Variants in RC3H2 observed in about 807,000 individuals in gnomAD.
RC3H2 encodes the protein roquin-2.
Under a neutral mutation model 133.3 loss-of-function variants are expected in RC3H2, and 31 were observed. The ratio of observed to expected loss-of-function variants is 0.23; its 90% CI spans 0.17 to 0.31. The LOEUF (loss-of-function observed/expected upper bound fraction) is 0.31. Ranked by LOEUF, RC3H2 falls within the 10% of genes least tolerant of loss-of-function variation. The pLI, the probability that RC3H2 is intolerant of heterozygous loss-of-function variation, is 1.00. For synonymous variants in RC3H2, 517 were observed against 502.2 expected, an observed-to-expected ratio of 1.03 and a Z score of -0.40; for missense variants, 1,175 against 1,437.2, an observed-to-expected ratio of 0.82 and a Z score of 2.95.
At chr9:122,853,417 C>T (rs1052659876) in intron 18 of RC3H2, among the ~76,000 whole-genome samples, 24 of 150,430 alleles carry the variant, frequency 1.6e-4, no homozygotes, top group Admixed American at 9.3e-4. Context: ...TGATTTTATA[C>T]CTGTGGAACC....
intron 1 of RC3H2, among the ~76,000 whole-genome samples, chr9:122,901,593 T>C (rs1057278570): frequency 8.0e-5 from 12 of 149,918 alleles, no homozygotes; most frequent in African/African-American, 3.0e-4. Flanking sequence ...ATTCTTTTTT[T>C]TTTTTTTTTT....
Position 122,880,069 on chromosome 9 carries a change from T to C in RC3H2, c.1017A>G (p.Gln339=), listed in dbSNP as rs554683824. The C allele has an allele frequency of 6.2e-7, 1 of 1,614,170 alleles. No individual in the cohort carries two copies. Among genetic ancestry groups the C allele is most frequent in the East Asian group, 2.2e-5 (1 of 44,888 alleles). Residue 339 remains glutamine, a synonymous_variant, in exon 7 of 21, where the codon CAA becomes CAG. Coordinates refer to ENST00000357244, the MANE Select transcript of RC3H2 (RefSeq NM_001100588.3). ...KSVQELTIVL[Q]RTGDPANLNR... is the part of the protein sequence containing the mutation. The stretch of plus-strand genomic sequence containing the variant: ...TTAAGTTAGCTGGGTCACCTGTTCG[T>C]TGCAAAACAATTGTCAATTCCTGGA...
At chr9:122,853,470 A>G (rs553242280) in intron 18 of RC3H2, among the ~76,000 whole-genome samples, 1 of 152,200 alleles carries the variant, frequency 6.6e-6, no homozygotes, top group South Asian at 2.1e-4. Flanking sequence ...CCCAATGATC[A>G]GCCAGGCACG....
intron 4 of RC3H2, among the ~76,000 whole-genome samples, chr9:122,885,390 G>A (rs575699930): frequency 6.6e-6 from 1 of 152,068 alleles, no homozygotes; most frequent in Non-Finnish European, 1.5e-5. Context: ...CAAATACATG[G>A]TTATTAATCA....
intron 8 of RC3H2, among the ~76,000 whole-genome samples, chr9:122,878,098 A>G (rs1831417291): frequency 6.6e-6 from 1 of 152,186 alleles, no homozygotes; most frequent in Non-Finnish European, 1.5e-5. Context: ...AAATTTCACT[A>G]TTACTTCTAC....
At chr9:122,894,471 G>A (rs1832333892) in intron 2 of RC3H2, among the ~76,000 whole-genome samples, 1 of 152,096 alleles carries the variant, frequency 6.6e-6, no homozygotes, top group African/African-American at 2.4e-5. Flanking sequence ...TCCAAGAGGT[G>A]AAATTATAGA....
intron 14 of RC3H2, 132 bp from the exon 15 acceptor site, chr9:122,855,529 A>G: frequency 1.0e-6 from 1 of 959,506 alleles, no homozygotes; most frequent in Non-Finnish European, 1.5e-6. Flanking sequence ...ACGATAATCC[A>G]ACAAACTACC....
intron 18 of RC3H2, among the ~76,000 whole-genome samples, chr9:122,852,761 G>C (rs1474586941): frequency 6.6e-6 from 1 of 150,436 alleles, no homozygotes; most frequent in Non-Finnish European, 1.5e-5. Flanking sequence ...GGGAGGTGGG[G>C]GGGTCAGCCC....
chr9:122,897,380 T>C lies in RC3H2; in HGVS notation c.130A>G (p.Lys44Glu), dbSNP rs1379044317. ...SHTVCKTCLN[K>E]LHRKACPFDQ... is the part of the protein sequence containing the mutation. ...AAAGGACAAGCTTTTCGATGAAGTT[T>C]ATTCAAGCAGGTCTTGCAAACAGTG... is the stretch of plus-strand genomic sequence containing the variant. Residue 44 changes from lysine to glutamate, a missense_variant, in exon 2 of 21, where the codon AAA (lysine) becomes GAA (glutamate). Transcript: ENST00000357244. 2.5e-6 allele frequency: 4 copies of C among 1,614,114 alleles called. No individual in the cohort carries two copies. The highest frequency in any genetic ancestry group is 3.4e-6 in the Non-Finnish European group (4 of 1,180,046).
At chr9:122,865,845 T>TATGCCATTCACATATAATATAC (rs1830624308) in intron 9 of RC3H2, among the ~76,000 whole-genome samples, 188 bp from the exon 10 acceptor site, 1 of 152,324 alleles carries the variant, frequency 6.6e-6, no homozygotes, top group East Asian at 1.9e-4. Context: ...TGAAAATATA[T>TATGCCATTCACATATAATATAC]ATGCCATTCA....
rs922483644 is a variant in RC3H2, at chr9:122,905,281, G to A, written c.-239C>T. The A allele has an allele frequency of 3.8e-5, 37 of 985,676 alleles. No homozygotes were observed. Among genetic ancestry groups the A allele is most frequent in the East Asian group, 1.1e-4 (1 of 8,816 alleles). 61.1% of individuals were successfully genotyped at this position (985,676 alleles called of 1,614,324 possible). On this transcript the variant is annotated 5_prime_UTR_variant, in exon 1 of 21. Coordinates refer to ENST00000357244, the MANE Select transcript of RC3H2 (RefSeq NM_001100588.3). ...CCCCGTTGGCGGCGGCGAAGGCCGCGACGGGGCCTCCTCCTCCTCCCTCCA... is the reference window on the plus strand; with the variant it reads ...CCCCGTTGGCGGCGGCGAAGGCCGCAACGGGGCCTCCTCCTCCTCCCTCCA...
At chr9:122,871,056 G>A (rs902020985) in intron 9 of RC3H2, among the ~76,000 whole-genome samples, 2 of 152,010 alleles carry the variant, frequency 1.3e-5, no homozygotes, top group African/African-American at 2.4e-5. Flanking sequence ...ACTTAACCAC[G>A]AAAATAGATG....
intron 9 of RC3H2, among the ~76,000 whole-genome samples, chr9:122,868,882 TGTGTGTGTA>T (rs1564296631): frequency 7.9e-5 from 2 of 25,258 alleles, no homozygotes; most frequent in Non-Finnish European, 2.7e-4. Context: ...TGTGTGTGTG[TGTGTGTGTA>T]TGTGTTTTTT....
At chr9:122,857,120 G>C (rs1830279194) in intron 13 of RC3H2, among the ~76,000 whole-genome samples, 1 of 152,212 alleles carries the variant, frequency 6.6e-6, no homozygotes, top group Admixed American at 6.5e-5. Context: ...TACTGACTGA[G>C]TTGATAACCG....
At position 122,905,322 on chromosome 9, in the gene RC3H2, C is replaced by T. The variant is rs933753913; in HGVS notation, c.-280G>A. The T allele has an allele frequency of 2.2e-5, 22 of 982,314 alleles. No individual in the cohort carries two copies. Among genetic ancestry groups the T allele is most frequent in the Non-Finnish European group, 2.7e-5 (22 of 826,968 alleles). 60.8% of individuals were successfully genotyped at this position (982,314 alleles called of 1,614,324 possible). ...CCTCCCTCCACCTCCGCCTCCTCCTCCTCCTCCTCCTCACCACGGAGGCGG... is the reference window on the plus strand; with the variant it reads ...CCTCCCTCCACCTCCGCCTCCTCCTTCTCCTCCTCCTCACCACGGAGGCGG... On this transcript the variant is annotated 5_prime_UTR_variant, in exon 1 of 21. Transcript: ENST00000357244.
intron 13 of RC3H2, among the ~76,000 whole-genome samples, chr9:122,857,323 GATTAA>G (rs556407155): frequency 2.5e-3 from 387 of 152,302 alleles, no homozygotes; most frequent in African/African-American, 8.9e-3. Flanking sequence ...GAAAACACCA[GATTAA>G]ATTAAAATCA....
intron 9 of RC3H2, among the ~76,000 whole-genome samples, chr9:122,871,237 A>C (rs1307425039): frequency 1.3e-5 from 2 of 151,320 alleles, no homozygotes; most frequent in African/African-American, 4.9e-5. Flanking sequence ...CTAAGACTTC[A>C]CTGAGGTAAT....
intron 1 of RC3H2, among the ~76,000 whole-genome samples, chr9:122,902,180 C>T (rs960701351): frequency 6.6e-6 from 1 of 152,278 alleles, no homozygotes; most frequent in East Asian, 1.9e-4. Flanking sequence ...ATCCACCCGC[C>T]TCAGCCTTCC....
rs372664374 is a variant in RC3H2, at chr9:122,850,626, T to A, written c.3380+455A>T. On this transcript the variant is annotated intron_variant, in intron 20 of 20. Coordinates refer to ENST00000357244, the MANE Select transcript of RC3H2 (RefSeq NM_001100588.3). ...CCCAGCTAATTTTTTTGTATTTTTG[T>A]AGAGACAGGGTTTCACTATGTTGGC... 2.0e-5 allele frequency among the ~76,000 whole-genome samples: 3 copies of A among 151,942 alleles called. No individual in the cohort carries two copies. In the East Asian group the frequency reaches 5.9e-4, roughly 30 times the overall value.
Sources: allele counts gnomAD v4.1 joint callset (sites outside exome capture counted in the v4.1 genomes callset), GRCh38; gene constraint gnomAD v4.1.1; transcripts MANE v1.5; gene names NCBI Gene and HGNC (gene_info 2026-07-23, HGNC 2026-07-21).